Variants in PRH1 observed in about 807,000 individuals in gnomAD.
The protein encoded by PRH1 is salivary acidic proline-rich phosphoprotein 1/2.
In PRH1, 7 loss-of-function variants were observed where a neutral mutation model predicts 7.9. That is an observed-to-expected ratio of 0.89 (90% CI 0.50 to 1.67). The LOEUF (loss-of-function observed/expected upper bound fraction) is 1.67. PRH1 is among the 40% of genes most tolerant of loss of function. PRH1 has a pLI of 0.00. For missense variants in PRH1, 109 were observed against 223.6 expected, an observed-to-expected ratio of 0.49 and a Z score of 3.27; for synonymous variants, 45 against 80.8, an observed-to-expected ratio of 0.56 and a Z score of 2.38.
At chr12:11,060,916 C>T (rs971310917) in intron 1 of PRH1, among the ~76,000 whole-genome samples, 22 of 152,368 alleles carry the variant, frequency 1.4e-4, no homozygotes, top group East Asian at 1.2e-3. Context: ...ACAATGAATT[C>T]GAAGCACACT....
intron 1 of PRH1, chr12:10,985,852 C>A: frequency 8.2e-7 from 1 of 1,216,692 alleles, no homozygotes; most frequent in Non-Finnish European, 1.1e-6. Context: ...ACAGAAAAAA[C>A]AGTAAAAAGT....
upstream of PRH1, among the ~76,000 whole-genome samples, chr12:11,051,261 G>A (rs752315350): frequency 3.9e-5 from 6 of 152,076 alleles, no homozygotes; most frequent in Non-Finnish European, 7.4e-5. Flanking sequence ...GAAAAATCTG[G>A]GGTTGGCAGG....
intron 2 of PRH1, chr12:10,964,882 T>G (rs1260236529): frequency 1.8e-6 from 1 of 562,180 alleles, no homozygotes. Flanking sequence ...TTCCTTCATA[T>G]TCTTTTGTCC....
chr12:10,916,466 T>C (rs1477743444), intron 2 of PRH1, among the ~76,000 whole-genome samples: 2 of 152,258 alleles, frequency 1.3e-5, no homozygotes, highest in African/African-American at 2.4e-5. Flanking sequence ...ATGAGACTTA[T>C]ATTCTTCCCC....
At chr12:11,162,834 A>AC (rs2136458221) in intron 1 of PRH1, among the ~76,000 whole-genome samples, 1 of 152,218 alleles carries the variant, frequency 6.6e-6, no homozygotes, top group East Asian at 1.9e-4. Flanking sequence ...AATGAAGAAT[A>AC]CCCCCTGGGC....
chr12:11,151,294 C>T (rs1947073705), intron 1 of PRH1, among the ~76,000 whole-genome samples: 1 of 151,396 alleles, frequency 6.6e-6, no homozygotes, highest in African/African-American at 2.4e-5. Context: ...TTTCAATGTG[C>T]CCTGCTTATG....
At chr12:11,082,904 T>C (rs1431221538) in intron 1 of PRH1, among the ~76,000 whole-genome samples, 1 of 116,148 alleles carries the variant, frequency 8.6e-6, no homozygotes, top group African/African-American at 2.9e-5. Context: ...AACTGCTTAA[T>C]TTCATTCTCA....
intron 3 of PRH1, 117 bp downstream of exon 3, chr12:10,882,100 A>G: frequency 1.3e-6 from 2 of 1,526,912 alleles, no homozygotes; most frequent in Non-Finnish European, 1.8e-6. Flanking sequence ...AACAATTTTT[A>G]GAAATGTGTT....
At chr12:11,044,595 GA>G (rs900547788) in intron 1 of PRH1, among the ~76,000 whole-genome samples, 10 of 148,650 alleles carry the variant, frequency 6.7e-5, no homozygotes, top group South Asian at 2.1e-4. Context: ...AACTGTATAG[GA>G]AAAAAAAAAT....
intron 1 of PRH1, chr12:11,158,836 G>A (rs1320316810): frequency 6.6e-6 from 1 of 152,110 alleles, no homozygotes; most frequent in Non-Finnish European, 1.5e-5. Context: ...GTAGTCTCAA[G>A]GAGCTCTGTC....
At chr12:11,163,024 A>G (rs1430666945) in intron 1 of PRH1, among the ~76,000 whole-genome samples, 1 of 152,188 alleles carries the variant, frequency 6.6e-6, no homozygotes, top group Non-Finnish European at 1.5e-5. Context: ...AAAATGCAGA[A>G]CAATGTGTGT....
chr12:11,074,524 C>T (rs1483532709), intron 1 of PRH1, among the ~76,000 whole-genome samples: 1 of 134,746 alleles, frequency 7.4e-6, no homozygotes, highest in African/African-American at 2.7e-5. Flanking sequence ...TCTTGGAGCA[C>T]ATAGTTAGAT....
intron 2 of PRH1, among the ~76,000 whole-genome samples, chr12:10,926,519 C>G (rs145298779): frequency 5.0e-4 from 76 of 152,236 alleles, no homozygotes; most frequent in Admixed American, 3.3e-3. Context: ...GGGTTTGAAG[C>G]ACAAGGGTGA....
chr12:10,936,316 G>C (rs1377729772), intron 2 of PRH1, among the ~76,000 whole-genome samples: 1 of 152,102 alleles, frequency 6.6e-6, no homozygotes, highest in Non-Finnish European at 1.5e-5. Flanking sequence ...AATAATATTT[G>C]ATTCTTCCAA....
intron 2 of PRH1, among the ~76,000 whole-genome samples, chr12:10,931,954 T>G (rs1314929422): frequency 1.3e-5 from 2 of 152,210 alleles, no homozygotes; most frequent in Admixed American, 6.5e-5. Flanking sequence ...CCCATCTTTC[T>G]GAAAATAACC....
chr12:11,021,613 A>C, intron 1 of PRH1: 2 of 1,417,098 alleles, frequency 1.4e-6, no homozygotes, highest in Non-Finnish European at 1.9e-6. Flanking sequence ...GTTTTCTGCT[A>C]GAAGACCCAC....
intron 2 of PRH1, chr12:10,964,891 C>A: frequency 1.8e-6 from 1 of 567,542 alleles, no homozygotes; most frequent in East Asian, 4.1e-5. Context: ...ATTCTTTTGT[C>A]CACATACTCT....
intron 2 of PRH1, chr12:10,965,451 G>A: frequency 2.2e-6 from 1 of 455,720 alleles, no homozygotes; most frequent in South Asian, 2.5e-5. Flanking sequence ...CCTGATTTCT[G>A]AATGTGCAGT....
At chr12:10,909,475 C>T in intron 2 of PRH1, 1 of 584,102 alleles carries the variant, frequency 1.7e-6, no homozygotes, top group Admixed American at 3.2e-5. Flanking sequence ...GATCGATCTT[C>T]ACATAACTGT....
Sources: gnomAD v4.1 joint callset for allele counts (sites outside exome capture counted in the v4.1 genomes callset) on GRCh38, gnomAD v4.1.1 for gene constraint, MANE v1.5 for transcripts, NCBI Gene and HGNC (gene_info 2026-07-23, HGNC 2026-07-21) for gene names.